The following EFCAB7 variants were observed in gnomAD, a reference collection of about 807,000 sequenced individuals.
EFCAB7 encodes EF-hand calcium binding domain 7.
EFCAB7 carries 66 observed loss-of-function variants against 77.1 expected under a neutral mutation model. The ratio of observed to expected loss-of-function variants is 0.86; its 90% CI spans 0.70 to 1.05. The LOEUF (loss-of-function observed/expected upper bound fraction) is 1.05. EFCAB7 is among the 50% of genes least tolerant of loss of function. EFCAB7 has a pLI of 0.00. For missense variants in EFCAB7, 638 were observed against 730.5 expected, an observed-to-expected ratio of 0.87 and a Z score of 1.46; for synonymous variants, 225 against 243.3, an observed-to-expected ratio of 0.92 and a Z score of 0.70.
At chr1:63,559,873 C>A (rs1386264892) in intron 10 of EFCAB7, among the ~76,000 whole-genome samples, 1 of 152,128 alleles carries the variant, frequency 6.6e-6, no homozygotes, top group Non-Finnish European at 1.5e-5. Flanking sequence ...TATTCTGTTC[C>A]ATTGATCTAT....
At chr1:63,553,449 C>T (rs1646990662) in intron 8 of EFCAB7, among the ~76,000 whole-genome samples, 2 of 152,178 alleles carry the variant, frequency 1.3e-5, no homozygotes, top group South Asian at 4.1e-4. Flanking sequence ...AAGTGATTCT[C>T]CTGCCTCAGC....
chr1:63,582,167 G>C, the EFCAB7 span, among the ~76,000 whole-genome samples: 1 of 152,178 alleles, frequency 6.6e-6, no homozygotes, highest in African/African-American at 2.4e-5. Context: ...TGATCTCATA[G>C]TTCTTATGTA....
chr1:63,551,025 G>T (rs897579457), intron 7 of EFCAB7: 2 of 152,176 alleles, frequency 1.3e-5, no homozygotes, highest in African/African-American at 4.8e-5. Context: ...AGATCCTAAA[G>T]ATATAAATTT....
chr1:63,551,876 T>C, intron 8 of EFCAB7, 42 bp downstream of exon 8: 1 of 1,265,988 alleles, frequency 7.9e-7, no homozygotes, highest in East Asian at 2.6e-5. Flanking sequence ...TTAAATATAG[T>C]ATGAACTGCA....
rs764598238 is a variant in EFCAB7, at chr1:63,532,738, C to G, written c.468C>G (p.Gly156=). Residue 156 remains glycine (G), a synonymous_variant, in exon 4 of 14, where the codon GGC becomes GGG. Coordinates refer to ENST00000371088, the MANE Select transcript of EFCAB7 (RefSeq NM_032437.4). ...ATTTGGCTGATGTAAATGCTGATGG[C>G]AAATTTGACTACATCAAGGTACATA... ...IINLADVNAD[G]KFDYIKFCKL... is the part of the protein sequence containing the mutation. 6.2e-7 allele frequency: 1 copy of G among 1,606,188 alleles called. No individual in the cohort carries two copies. Among genetic ancestry groups the G allele is most frequent in the Non-Finnish European group, 8.5e-7 (1 of 1,176,776 alleles).
At chr1:63,533,084 C>T (rs1032546027) in intron 4 of EFCAB7, among the ~76,000 whole-genome samples, 7 of 152,054 alleles carry the variant, frequency 4.6e-5, no homozygotes, top group African/African-American at 1.2e-4. Context: ...CTCACACACA[C>T]GGACAGATAC....
the EFCAB7 span, among the ~76,000 whole-genome samples, chr1:63,584,128 G>C: frequency 6.6e-6 from 1 of 152,292 alleles, no homozygotes; most frequent in South Asian, 2.1e-4. Flanking sequence ...GAGACAGTCT[G>C]GCATAAGGGT....
At chr1:63,535,633 G>C (rs892408183) in intron 6 of EFCAB7, among the ~76,000 whole-genome samples, 1 of 152,016 alleles carries the variant, frequency 6.6e-6, no homozygotes, top group Non-Finnish European at 1.5e-5. Flanking sequence ...TATAAATAGG[G>C]AGTAATTATA....
At position 63,551,802 on chromosome 1, in the gene EFCAB7, C is replaced by T. The variant is rs755396779; in HGVS notation, c.1024C>T (p.Leu342Phe). The change falls in exon 8 of 14, where the codon CTT (leucine) becomes TTT (phenylalanine). Residue 342 changes from leucine (L) to phenylalanine (F), a missense_variant. Transcript: ENST00000371088. ...KENESQANLQ[L>F]VCFTELRNRE... ...AAATGAGAGTCAAGCAAATCTACAG[C>T]TTGTGTGTTTTACCGAACTACGAAA... 1.9e-6 allele frequency: 3 copies of T among 1,593,706 alleles called. No homozygotes were observed. The highest frequency in any genetic ancestry group is 2.3e-5 in the South Asian group (2 of 86,278).
At chr1:63,551,874 A>G in intron 8 of EFCAB7, 40 bp downstream of exon 8, 2 of 1,283,750 alleles carry the variant, frequency 1.6e-6, no homozygotes, top group Non-Finnish European at 1.1e-6. Context: ...TTTTAAATAT[A>G]GTATGAACTG....
At chr1:63,526,769 A>T (rs1291572591) in intron 2 of EFCAB7, among the ~76,000 whole-genome samples, 3 of 147,614 alleles carry the variant, frequency 2.0e-5, no homozygotes, top group South Asian at 2.1e-4. Flanking sequence ...CATCCAATAA[A>T]TTTTTTTTTT....
chr1:63,584,436 C>T, the EFCAB7 span, among the ~76,000 whole-genome samples: 8 of 152,226 alleles, frequency 5.3e-5, no homozygotes, highest in Admixed American at 4.6e-4. Context: ...CCTGTAGTCC[C>T]GGCTACTCAT....
chr1:63,549,524 T>A (rs1422321883), intron 7 of EFCAB7: 1 of 456,790 alleles, frequency 2.2e-6, no homozygotes, highest in East Asian at 7.0e-5. Flanking sequence ...TGGAAAAAGT[T>A]TTATTTAAAG....
downstream of EFCAB7, among the ~76,000 whole-genome samples, chr1:63,576,702 G>A (rs77894649): frequency 0.064 from 9,633 of 151,202 alleles, 1,051 homozygotes; most frequent in African/African-American, 0.22. Flanking sequence ...GCGTGGTGGC[G>A]GGCATCTGTA....
In EFCAB7 at chr1:63,533,622, A is replaced by G. The variant is rs200461926; in HGVS notation, c.655A>G (p.Thr219Ala). The G allele has an allele frequency of 2.3e-5, 37 of 1,581,194 alleles. No individual in the cohort carries two copies. Among genetic ancestry groups the G allele is most frequent in the Non-Finnish European group, 5.1e-6 (6 of 1,169,240 alleles). ...ACCATCACCTAAAATCACAAGAAAA[A>G]CTGATCCAGAAACATTCTTAAATAA... is the stretch of plus-strand genomic sequence containing the variant. Reference protein sequence around the residue: ...PKPSPKITRKTDPETFLNKGD... With the variant: ...PKPSPKITRKADPETFLNKGD... The change falls in exon 5 of 14, where the codon ACT becomes GCT. Residue 219 changes from threonine to alanine, a missense_variant. Physicochemically the swap from Thr to Ala is moderately conservative, Grantham distance 58. Coordinates refer to ENST00000371088, the MANE Select transcript of EFCAB7 (RefSeq NM_032437.4).
chr1:63,550,425 A>G (rs1646951127), intron 7 of EFCAB7: 1 of 152,182 alleles, frequency 6.6e-6, no homozygotes, highest in Admixed American at 6.5e-5. Context: ...TGATTAGTCA[A>G]AAATACCATT....
chr1:63,537,445 C>T lies in EFCAB7; in HGVS notation c.804+3229C>T, dbSNP rs142550313. On this transcript the variant is annotated intron_variant, in intron 6 of 13. Coordinates refer to ENST00000371088, the MANE Select transcript of EFCAB7 (RefSeq NM_032437.4). ...ATTATAAATGTCAAAACATATATAG[C>T]ATCTACATTGTATACCATTTATATG... Among the ~76,000 whole-genome samples the T allele has an allele frequency of 8.1e-4, 123 of 152,228 alleles. 1 individual carries two copies. In the East Asian group the frequency reaches 0.022, roughly 27 times the overall value.
At chr1:63,546,088 ATGTCAATT>A (rs780022624) in intron 7 of EFCAB7, 31 bp downstream of exon 7, 1 of 1,600,050 alleles carries the variant, frequency 6.2e-7, no homozygotes, top group African/African-American at 1.4e-5. Context: ...TATTTTTAAA[ATGTCAATT>A]TGTACCCTCC....
chr1:63,559,801 G>A (rs1293409055), intron 10 of EFCAB7, among the ~76,000 whole-genome samples: 1 of 152,038 alleles, frequency 6.6e-6, no homozygotes, highest in African/African-American at 2.4e-5. Flanking sequence ...CCATTGAATT[G>A]CCTTTGCTCC....
Sources: allele counts gnomAD v4.1 joint callset (sites outside exome capture counted in the v4.1 genomes callset), GRCh38; gene constraint gnomAD v4.1.1; transcripts MANE v1.5; gene names NCBI Gene and HGNC (gene_info 2026-07-23, HGNC 2026-07-21).